The following RARS2 variants were observed in gnomAD, a reference collection of about 807,000 sequenced individuals.
RARS2 encodes arginyl-tRNA synthetase 2, mitochondrial, also known as probable arginine--tRNA ligase, mitochondrial.
A neutral mutation model predicts 88.5 loss-of-function variants in RARS2; 67 were observed. That is an observed-to-expected ratio of 0.76 (90% confidence interval 0.62 to 0.93). The LOEUF (loss-of-function observed/expected upper bound fraction) is 0.93. RARS2 is among the 40% of genes least tolerant of loss of function. The pLI is 0.00. For synonymous variants in RARS2, 239 were observed against 230.3 expected, an observed-to-expected ratio of 1.04 and a Z score of -0.34; for missense variants, 664 against 684.2, an observed-to-expected ratio of 0.97 and a Z score of 0.33.
intron 8 of RARS2, among the ~76,000 whole-genome samples, chr6:87,534,941 A>C (rs1778678794): frequency 6.6e-6 from 1 of 152,176 alleles, no homozygotes; most frequent in South Asian, 2.1e-4. Flanking sequence ...AGGCTGGGAT[A>C]CTAAACATGT....
intron 2 of RARS2, among the ~76,000 whole-genome samples, chr6:87,566,036 G>A (rs946517199): frequency 1.3e-5 from 2 of 152,176 alleles, no homozygotes; most frequent in Non-Finnish European, 2.9e-5. Context: ...ACTTTGGCCA[G>A]GTACAGGGGC....
intron 10 of RARS2, among the ~76,000 whole-genome samples, chr6:87,526,056 AAATC>A (rs1775583840): frequency 6.6e-6 from 1 of 152,212 alleles, no homozygotes; most frequent in Non-Finnish European, 1.5e-5. Flanking sequence ...TGGATTGGAA[AAATC>A]AATATTTAAA....
Position 87,589,789 on chromosome 6 carries a change from G to C in RARS2, c.36+133C>G, listed in dbSNP as rs1417615915. ...AGCTCCACCAGCTCCAGAGAAGGGG[G>C]AGGAGGTGGTAGAAACTAACAGGAT... is the stretch of plus-strand genomic sequence containing the variant. On this transcript the variant is annotated intron_variant, in intron 1 of 19. Coordinates refer to ENST00000369536, the MANE Select transcript of RARS2 (RefSeq NM_020320.5). The C allele has an allele frequency of 1.4e-5, 22 of 1,596,652 alleles. No homozygotes were observed. The South Asian group carries it at 2.3e-4, about 17-fold the overall frequency.
At chr6:87,534,297 A>C (rs1246610983) in intron 8 of RARS2, among the ~76,000 whole-genome samples, 1 of 152,118 alleles carries the variant, frequency 6.6e-6, no homozygotes, top group African/African-American at 2.4e-5. Context: ...TCTCCTCCTT[A>C]ATACATTAGT....
At chr6:87,543,534 G>A (rs6923655) in intron 7 of RARS2, among the ~76,000 whole-genome samples, 19,656 of 151,722 alleles carry the variant, frequency 0.13, 1,403 homozygotes, top group African/African-American at 0.19. Context: ...CCAGCTACTC[G>A]GGAGGCTGAG....
chr6:87,564,280 T>A, intron 2 of RARS2, 48 bp from the exon 3 acceptor site: 1 of 1,354,564 alleles, frequency 7.4e-7, no homozygotes, highest in Non-Finnish European at 1.1e-6. Flanking sequence ...TTAAAAGCAT[T>A]AGTTGTTAAA....
intron 1 of RARS2, among the ~76,000 whole-genome samples, chr6:87,577,589 A>G (rs906320149): frequency 1.3e-5 from 2 of 152,238 alleles, no homozygotes; most frequent in Non-Finnish European, 2.9e-5. Context: ...TCTTAAATAC[A>G]GCCAATTAAG....
intron 4 of RARS2, among the ~76,000 whole-genome samples, chr6:87,558,927 T>C (rs1026966882): frequency 1.3e-5 from 2 of 152,250 alleles, no homozygotes; most frequent in African/African-American, 2.4e-5. Flanking sequence ...TCATAGGAGA[T>C]GACAGCTTCA....
At chr6:87,548,376 T>C (rs1021521610) in intron 6 of RARS2, among the ~76,000 whole-genome samples, 8 of 152,230 alleles carry the variant, frequency 5.3e-5, no homozygotes, top group African/African-American at 1.4e-4. Context: ...TTAAAATTAG[T>C]TTCTCAGTGA....
At chr6:87,561,815 A>T (rs1287522834) in intron 4 of RARS2, among the ~76,000 whole-genome samples, 1 of 152,226 alleles carries the variant, frequency 6.6e-6, no homozygotes, top group African/African-American at 2.4e-5. Flanking sequence ...TGTGAGAAAG[A>T]GTAGTTGGAC....
chr6:87,539,869 T>C (rs867292739), intron 8 of RARS2, among the ~76,000 whole-genome samples: 46 of 152,198 alleles, frequency 3.0e-4, no homozygotes, highest in African/African-American at 1.1e-3. Context: ...TTTTTACATA[T>C]AACATCTGTG....
In RARS2 at chr6:87,530,772, G is replaced by A. The variant is rs1296404141; in HGVS notation, c.771+12C>T. 1 of 1,614,034 alleles carries A rather than the reference G, an allele frequency of 6.2e-7. No individual in the cohort carries two copies. Among genetic ancestry groups the A allele is most frequent in the African/African-American group, 1.3e-5 (1 of 75,056 alleles). ...GCATCATGGGAAAGCAGAAGGGAGG[G>A]TCAACCAATACCTTGTAAACCCGAA... On this transcript the variant is annotated intron_variant, in intron 9 of 19. Coordinates refer to ENST00000369536, the MANE Select transcript of RARS2 (RefSeq NM_020320.5).
intron 11 of RARS2, among the ~76,000 whole-genome samples, chr6:87,522,216 G>C (rs1774113198): frequency 6.6e-6 from 1 of 151,778 alleles, no homozygotes; most frequent in Non-Finnish European, 1.5e-5. Flanking sequence ...TGTAATCCCA[G>C]CTATTCAGGA....
chr6:87,560,209 T>C (rs1167524947), intron 4 of RARS2, among the ~76,000 whole-genome samples: 1 of 152,256 alleles, frequency 6.6e-6, no homozygotes, highest in Non-Finnish European at 1.5e-5. Context: ...CCTTCAATGA[T>C]TTGAACGGTT....
At chr6:87,559,407 G>C (rs1407582953) in intron 4 of RARS2, among the ~76,000 whole-genome samples, 8 of 148,810 alleles carry the variant, frequency 5.4e-5, no homozygotes. Flanking sequence ...GCGGAGGTGG[G>C]AGCTGAGGCT....
rs182288262 is a variant in RARS2 at position 87,567,002 on chromosome 6, C to T, written c.110+2515G>A. On this transcript the variant is annotated intron_variant, in intron 2 of 19. Transcript: ENST00000369536. ...TGTTGCCCAAGCTGGTCTTGAACTC[C>T]TGAGCTCAAGCAATCCTTCTACCTT... 2.6e-3 allele frequency among the ~76,000 whole-genome samples: 400 copies of T among 151,982 alleles called. 1 individual carries two copies. The highest frequency in any genetic ancestry group is 9.2e-3 in the African/African-American group (382 of 41,468).
chr6:87,550,331 T>C (rs1783934980), intron 5 of RARS2, among the ~76,000 whole-genome samples: 2 of 152,318 alleles, frequency 1.3e-5, no homozygotes, highest in African/African-American at 4.8e-5. Flanking sequence ...AGGGGAGTCC[T>C]AGCGCTGCAC....
rs1773776505 is a variant in RARS2, at chr6:87,521,363, T to A, written c.1035+101A>T. On this transcript the variant is annotated intron_variant, in intron 12 of 19. Transcript: ENST00000369536. Reference sequence around the variant, plus strand: ...ACTTTAAACATACTTAATGTTGACTTCTCTCTGTAGTTTTCCATAGTTTTT... The same window carrying A: ...ACTTTAAACATACTTAATGTTGACTACTCTCTGTAGTTTTCCATAGTTTTT... The A allele has an allele frequency of 3.3e-6, 3 of 917,468 alleles. No individual in the cohort carries two copies. The South Asian group carries it at 4.2e-5, about 13-fold the overall frequency. The allele number at this position is 917,468 out of a possible 1,614,324, so 56.8% of individuals were successfully genotyped here.
rs5878032 is a variant in RARS2 at position 87,514,311 on chromosome 6, C to CA, written c.*101dup. 69,571 of 566,554 alleles carry CA rather than the reference C, an allele frequency of 0.12. 464 individuals carry two copies. Among genetic ancestry groups the CA allele is most frequent in the East Asian group, 0.14 (3,311 of 23,438 alleles). The allele number at this position is 566,554 out of a possible 1,614,324, so 35.1% of individuals were successfully genotyped here. The stretch of plus-strand genomic sequence containing the variant: ...GGGCAACAAGAGCGAAACTCCATCT[C>CA]AAAAAAAAAAAAAAAAAATTTAAAT... On this transcript the variant is annotated 3_prime_UTR_variant, in exon 20 of 20. Coordinates refer to ENST00000369536, the MANE Select transcript of RARS2 (RefSeq NM_020320.5).
Sources: gnomAD v4.1 joint callset for allele counts (sites outside exome capture counted in the v4.1 genomes callset) on GRCh38, gnomAD v4.1.1 for gene constraint, MANE v1.5 for transcripts, NCBI Gene and HGNC (gene_info 2026-07-23, HGNC 2026-07-21) for gene names.